The following CTNNBL1 variants were observed in gnomAD, a reference collection of about 807,000 sequenced individuals.
CTNNBL1 encodes the protein beta-catenin-like protein 1.
In CTNNBL1, 31 loss-of-function variants were observed where a neutral mutation model predicts 72.7. The ratio of observed to expected loss-of-function variants is 0.43; its 90% CI spans 0.32 to 0.58. The LOEUF (loss-of-function observed/expected upper bound fraction) is 0.58, where lower values mean the gene tolerates loss of function less well. Ranked by LOEUF, CTNNBL1 falls within the 20% of genes least tolerant of loss-of-function variation. The pLI is 0.08. For synonymous variants in CTNNBL1, 240 were observed against 267.3 expected, an observed-to-expected ratio of 0.90 and a Z score of 1.00; for missense variants, 534 against 725.1, an observed-to-expected ratio of 0.74 and a Z score of 3.03.
At chr20:37,732,324 A>G (rs2073136424) in intron 1 of CTNNBL1, among the ~76,000 whole-genome samples, 1 of 152,176 alleles carries the variant, frequency 6.6e-6, no homozygotes. Flanking sequence ...GTAATATTTT[A>G]TGTTTGTACT....
At chr20:37,820,559 G>A (rs1011653048) in intron 11 of CTNNBL1, among the ~76,000 whole-genome samples, 1 of 152,180 alleles carries the variant, frequency 6.6e-6, no homozygotes, top group Non-Finnish European at 1.5e-5. Context: ...AAGGGACTTG[G>A]TGGAAGGTGA....
At chr20:37,766,871 A>C (rs1466613607) in intron 6 of CTNNBL1, among the ~76,000 whole-genome samples, 1 of 152,190 alleles carries the variant, frequency 6.6e-6, no homozygotes, top group Non-Finnish European at 1.5e-5. Context: ...TAAGCAGAAG[A>C]ATAGGATAAA....
chr20:37,780,552 A>G (rs1289503507), intron 10 of CTNNBL1, among the ~76,000 whole-genome samples: 1 of 152,116 alleles, frequency 6.6e-6, no homozygotes, highest in African/African-American at 2.4e-5. Context: ...GCTGTTTCCC[A>G]TGCTGTGAAT....
chr20:37,722,517 TAAATAAAG>T (rs1220333400), intron 1 of CTNNBL1, among the ~76,000 whole-genome samples: 17 of 138,972 alleles, frequency 1.2e-4, no homozygotes, highest in African/African-American at 4.5e-4. Flanking sequence ...AATAAATAAA[TAAATAAAG>T]TCTGTTGTAT....
intron 1 of CTNNBL1, among the ~76,000 whole-genome samples, chr20:37,701,881 A>T (rs2072847392): frequency 6.7e-6 from 1 of 148,296 alleles, no homozygotes; most frequent in South Asian, 2.1e-4. Context: ...TGTGTGGCGT[A>T]ATACATCGTA....
chr20:37,844,794 A>C (rs1450787182), intron 13 of CTNNBL1, among the ~76,000 whole-genome samples: 4 of 152,112 alleles, frequency 2.6e-5, no homozygotes, highest in Non-Finnish European at 5.9e-5. Context: ...CTAAAAATAC[A>C]AAAATTAGCT....
rs201286964 is a variant in CTNNBL1 at position 37,710,659 on chromosome 20, A to AT, written c.30+16508dup. Reference sequence around the variant, plus strand: ...TTTCAAGTGAAACTACCACTCACAAATAGGGGCTTAACCTGGCCTTCTGTG... The same window carrying AT: ...TTTCAAGTGAAACTACCACTCACAAATTAGGGGCTTAACCTGGCCTTCTGTG... On this transcript the variant is annotated intron_variant, in intron 1 of 15. Coordinates refer to ENST00000361383, the MANE Select transcript of CTNNBL1 (RefSeq NM_030877.5). Among the ~76,000 whole-genome samples the AT allele has an allele frequency of 5.5e-3, 836 of 152,236 alleles. 10 individuals are homozygous for AT. Among genetic ancestry groups the AT allele is most frequent in the African/African-American group, 0.017 (720 of 41,518 alleles).
intron 1 of CTNNBL1, among the ~76,000 whole-genome samples, chr20:37,703,218 A>G (rs1179649484): frequency 1.3e-5 from 2 of 152,234 alleles, no homozygotes; most frequent in African/African-American, 2.4e-5. Flanking sequence ...GATCAAAACT[A>G]GGGAATTAAC....
intron 3 of CTNNBL1, among the ~76,000 whole-genome samples, 175 bp downstream of exon 3, chr20:37,737,659 G>A (rs1600454162): frequency 6.6e-6 from 1 of 152,198 alleles, no homozygotes; most frequent in Non-Finnish European, 1.5e-5. Flanking sequence ...GATACTCAGG[G>A]CTGTGGTTTA....
chr20:37,794,999 G>C (rs558283955), intron 10 of CTNNBL1, among the ~76,000 whole-genome samples: 16 of 151,892 alleles, frequency 1.1e-4, no homozygotes, highest in African/African-American at 3.6e-4. Flanking sequence ...TTTTCTGGCT[G>C]TCTTTAGGAT....
chr20:37,722,502 A>G (rs1568751449), intron 1 of CTNNBL1, among the ~76,000 whole-genome samples: 1 of 151,226 alleles, frequency 6.6e-6, no homozygotes, highest in Admixed American at 6.6e-5. Flanking sequence ...ATAAATAAAT[A>G]AATAAATAAA....
intron 10 of CTNNBL1, among the ~76,000 whole-genome samples, chr20:37,790,649 A>G (rs766336116): frequency 3.3e-5 from 5 of 152,232 alleles, no homozygotes; most frequent in Non-Finnish European, 7.3e-5. Context: ...GTTACCTTTT[A>G]ATAAATGGGA....
At chr20:37,803,582 C>G (rs2073840118) in intron 11 of CTNNBL1, among the ~76,000 whole-genome samples, 4 of 152,224 alleles carry the variant, frequency 2.6e-5, no homozygotes, top group Admixed American at 2.6e-4. Context: ...CTAGGCCAGT[C>G]TCTTCCTGCT....
At chr20:37,764,129 T>G in intron 5 of CTNNBL1, among the ~76,000 whole-genome samples, 1 of 152,142 alleles carries the variant, frequency 6.6e-6, no homozygotes, top group East Asian at 1.9e-4. Context: ...AGACCTAGGG[T>G]AAGGCCTGTT....
At chr20:37,790,013 A>G (rs199629183) in intron 10 of CTNNBL1, among the ~76,000 whole-genome samples, 1 of 152,236 alleles carries the variant, frequency 6.6e-6, no homozygotes, top group Non-Finnish European at 1.5e-5. Context: ...AGGAGGATAC[A>G]CAGCCACATC....
chr20:37,712,245 C>T (rs975261402), intron 1 of CTNNBL1, among the ~76,000 whole-genome samples: 1 of 152,212 alleles, frequency 6.6e-6, no homozygotes, highest in Non-Finnish European at 1.5e-5. Context: ...GGGCATCGTG[C>T]CTTTTGTTGA....
At chr20:37,819,084 T>C (rs59395479) in intron 11 of CTNNBL1, among the ~76,000 whole-genome samples, 1 of 152,184 alleles carries the variant, frequency 6.6e-6, no homozygotes, top group Non-Finnish European at 1.5e-5. Context: ...TTTAGAGATT[T>C]CTACTTCATT....
At chr20:37,802,426 G>A (rs1303259368) in intron 10 of CTNNBL1, among the ~76,000 whole-genome samples, 2 of 152,282 alleles carry the variant, frequency 1.3e-5, no homozygotes, top group African/African-American at 2.4e-5. Context: ...ATTGACTGTG[G>A]TGGTAGCTGA....
At chr20:37,735,350 G>A (rs887990514) in intron 2 of CTNNBL1, among the ~76,000 whole-genome samples, 5 of 152,278 alleles carry the variant, frequency 3.3e-5, no homozygotes, top group African/African-American at 1.2e-4. Context: ...GCACTGGTTT[G>A]GGGTTGGAGA....
Sources: allele counts gnomAD v4.1 joint callset (sites outside exome capture counted in the v4.1 genomes callset), GRCh38; gene constraint gnomAD v4.1.1; transcripts MANE v1.5; gene names NCBI Gene and HGNC (gene_info 2026-07-23, HGNC 2026-07-21).